DAB1: variants seen among roughly 807,000 people sequenced by gnomAD.
DAB1 encodes disabled homolog 1.
Under a neutral mutation model 64.6 loss-of-function variants are expected in DAB1, and 15 were observed. The observed-to-expected ratio is 0.23, with a 90% CI of 0.16 to 0.36. The LOEUF (loss-of-function observed/expected upper bound fraction) is 0.36, where lower values mean the gene tolerates loss of function less well. Ranked by LOEUF, DAB1 falls within the 10% of genes least tolerant of loss-of-function variation. DAB1 has a pLI of 1.00. For missense variants in DAB1, 596 were observed against 706.7 expected (o/e 0.84, Z 1.78); for synonymous variants, 235 against 251.9 (o/e 0.93, Z 0.64).
chr1:58,239,747 G>T (rs1397519601), intron 4 of DAB1, among the ~76,000 whole-genome samples: 1 of 152,040 alleles, frequency 6.6e-6, no homozygotes. Context: ...AAAGCATGTG[G>T]TCTCCACACC....
chr1:57,229,700 TTCTGGTGGCCA>T (rs1344890564), intron 2 of DAB1, among the ~76,000 whole-genome samples: 1 of 152,186 alleles, frequency 6.6e-6, no homozygotes, highest in Non-Finnish European at 1.5e-5. Flanking sequence ...TTTTTCAACA[TTCTGGTGGCCA>T]TCTGTAGGAC....
intron 1 of DAB1, among the ~76,000 whole-genome samples, chr1:57,875,786 GA>G (rs1644034895): frequency 6.6e-6 from 1 of 152,212 alleles, no homozygotes; most frequent in South Asian, 2.1e-4. Flanking sequence ...GGCCTGGGAT[GA>G]AATGTTCTCA....
At chr1:57,125,380 T>C (rs1385679754) in intron 4 of DAB1, among the ~76,000 whole-genome samples, 3 of 152,202 alleles carry the variant, frequency 2.0e-5, no homozygotes, top group Admixed American at 6.5e-5. Flanking sequence ...AATATTAGTG[T>C]AGTGCTCCAT....
Position 57,418,339 on chromosome 1 carries a change from A to T in DAB1, c.-137+5591T>A, listed in dbSNP as rs1414879167. On this transcript the variant is annotated intron_variant, in intron 1 of 14. Coordinates refer to ENST00000371236, the MANE Select transcript of DAB1 (RefSeq NM_001365792.1). Reference sequence around the variant, plus strand: ...ACTGAATGTGACAAAGGCAGATAGAAACGAGGAAAGACAGAGACAGAGAAA... The same window carrying T: ...ACTGAATGTGACAAAGGCAGATAGATACGAGGAAAGACAGAGACAGAGAAA... Among the ~76,000 whole-genome samples the T allele has an allele frequency of 2.6e-5, 4 of 152,258 alleles. No homozygotes were observed. The East Asian group carries it at 5.8e-4, about 22-fold the overall frequency.
chr1:58,135,424 G>A (rs991153590), intron 5 of DAB1, among the ~76,000 whole-genome samples: 3 of 152,134 alleles, frequency 2.0e-5, no homozygotes, highest in Admixed American at 2.0e-4. Context: ...CAGGTACCGA[G>A]TACCTGGTAC....
At chr1:57,409,175 C>T (rs997138389) in intron 1 of DAB1, among the ~76,000 whole-genome samples, 5 of 152,162 alleles carry the variant, frequency 3.3e-5, no homozygotes, top group African/African-American at 1.2e-4. Flanking sequence ...GGCTGCACCT[C>T]CTGGGGTCTA....
At chr1:57,695,566 G>T (rs1377936480) in intron 6 of DAB1, among the ~76,000 whole-genome samples, 1 of 152,190 alleles carries the variant, frequency 6.6e-6, no homozygotes, top group Admixed American at 6.5e-5. Flanking sequence ...CTGTTGGAAT[G>T]TGTTGCCTTG....
intron 7 of DAB1, among the ~76,000 whole-genome samples, chr1:57,609,799 AT>A (rs1211228598): frequency 3.9e-5 from 6 of 151,944 alleles, no homozygotes; most frequent in Admixed American, 6.6e-5. Flanking sequence ...AGACCCCACC[AT>A]TTTTTTTACA....
At chr1:58,486,953 T>C (rs1196974353) in intron 3 of DAB1, among the ~76,000 whole-genome samples, 1 of 152,206 alleles carries the variant, frequency 6.6e-6, no homozygotes, top group Non-Finnish European at 1.5e-5. Context: ...ATTACGTGCC[T>C]GGAAGACATA....
intron 4 of DAB1, among the ~76,000 whole-genome samples, chr1:57,135,456 A>G (rs1359294397): frequency 8.5e-5 from 13 of 152,214 alleles, no homozygotes; most frequent in Admixed American, 8.5e-4. Flanking sequence ...TGAGAGCTCC[A>G]TAGAATTTCA....
intron 9 of DAB1, among the ~76,000 whole-genome samples, chr1:57,060,298 G>A (rs957821013): frequency 1.3e-5 from 2 of 151,810 alleles, no homozygotes; most frequent in African/African-American, 4.8e-5. Flanking sequence ...TTACAGGCAT[G>A]CCTCACCATG....
At chr1:57,767,211 C>T (rs976581447) in intron 6 of DAB1, among the ~76,000 whole-genome samples, 3 of 152,106 alleles carry the variant, frequency 2.0e-5, no homozygotes, top group Admixed American at 2.0e-4. Context: ...GTTGGATCCT[C>T]TGGTAACCAT....
At chr1:57,595,143 T>C (rs1570657738) in intron 7 of DAB1, among the ~76,000 whole-genome samples, 1 of 152,134 alleles carries the variant, frequency 6.6e-6, no homozygotes, top group East Asian at 1.9e-4. Flanking sequence ...ATATAGTTGT[T>C]GTTTTTAAAA....
At chr1:57,741,130 GGGA>G (rs1300399925) in intron 6 of DAB1, among the ~76,000 whole-genome samples, 1 of 152,148 alleles carries the variant, frequency 6.6e-6, no homozygotes, top group African/African-American at 2.4e-5. Context: ...TAAGTGCTGA[GGGA>G]CTAGGTCATG....
intron 5 of DAB1, among the ~76,000 whole-genome samples, chr1:57,968,778 C>T (rs1357116987): frequency 6.6e-6 from 1 of 152,078 alleles, no homozygotes; most frequent in African/African-American, 2.4e-5. Context: ...TGTTTTATGT[C>T]CAAGTTTCAA....
intron 9 of DAB1, among the ~76,000 whole-genome samples, chr1:57,062,169 C>G (rs1479065301): frequency 6.6e-6 from 1 of 152,192 alleles, no homozygotes; most frequent in Admixed American, 6.5e-5. Flanking sequence ...GTCCCAGATT[C>G]CCAGGAGTCC....
chr1:58,315,179 C>G (rs1662530682), intron 4 of DAB1, among the ~76,000 whole-genome samples: 1 of 152,194 alleles, frequency 6.6e-6, no homozygotes, highest in African/African-American at 2.4e-5. Flanking sequence ...AGCCTTGTCT[C>G]ATTGCACAGG....
At chr1:57,358,796 C>G (rs888744674) in intron 1 of DAB1, among the ~76,000 whole-genome samples, 5 of 151,926 alleles carry the variant, frequency 3.3e-5, no homozygotes, top group Non-Finnish European at 7.4e-5. Context: ...ACCAATAGAA[C>G]AGAATAGAGA....
chr1:57,137,332 G>C (rs1218457232), intron 3 of DAB1, among the ~76,000 whole-genome samples: 12 of 152,168 alleles, frequency 7.9e-5, no homozygotes, highest in Non-Finnish European at 1.6e-4. Context: ...CTTCACAAAA[G>C]GTTGGGGTGT....
Sources: allele counts gnomAD v4.1 joint callset (sites outside exome capture counted in the v4.1 genomes callset), GRCh38; gene constraint gnomAD v4.1.1; transcripts MANE v1.5; gene names NCBI Gene and HGNC (gene_info 2026-07-23, HGNC 2026-07-21).